The following SHISA9 variants were observed in gnomAD, a reference collection of about 807,000 sequenced individuals.
SHISA9 encodes shisa family member 9.
SHISA9 carries 13 observed loss-of-function variants against 38.0 expected under a neutral mutation model. The ratio of observed to expected loss-of-function variants is 0.34; its 90% CI spans 0.22 to 0.54. The LOEUF (loss-of-function observed/expected upper bound fraction) is 0.54, where lower values mean the gene tolerates loss of function less well. Ranked by LOEUF, SHISA9 falls within the 20% of genes least tolerant of loss-of-function variation. The pLI is 0.91. For missense variants in SHISA9, 538 were observed against 575.8 expected (o/e 0.93, Z 0.67); for synonymous variants, 275 against 242.0 (o/e 1.14, Z -1.27).
the SHISA9 span, among the ~76,000 whole-genome samples, chr16:13,277,277 C>T: frequency 1.3e-5 from 2 of 151,970 alleles, no homozygotes; most frequent in African/African-American, 2.4e-5. Flanking sequence ...GGTCTATGTG[C>T]ATATTTCTAT....
At chr16:12,943,762 C>A (rs1319677500) in intron 2 of SHISA9, among the ~76,000 whole-genome samples, 1 of 152,054 alleles carries the variant, frequency 6.6e-6, no homozygotes, top group Non-Finnish European at 1.5e-5. Context: ...AAACACCCTG[C>A]CTCCATTTGT....
At chr16:12,966,801 A>G (rs1462642323) in intron 2 of SHISA9, among the ~76,000 whole-genome samples, 9 of 152,356 alleles carry the variant, frequency 5.9e-5, no homozygotes, top group Non-Finnish European at 1.2e-4. Context: ...GAAGATGTTC[A>G]GCATAGTTAT....
chr16:13,213,004 T>A (rs971223831), intron 3 of SHISA9, among the ~76,000 whole-genome samples: 1 of 152,234 alleles, frequency 6.6e-6, no homozygotes, highest in Non-Finnish European at 1.5e-5. Context: ...TCTCGGCCTT[T>A]TTCAGGAGGC....
chr16:13,321,967 A>G, the SHISA9 span, among the ~76,000 whole-genome samples: 7 of 152,250 alleles, frequency 4.6e-5, no homozygotes, highest in Non-Finnish European at 1.0e-4. Flanking sequence ...TACCTGACAT[A>G]TAATAGGTGC....
the SHISA9 span, among the ~76,000 whole-genome samples, chr16:13,245,848 A>G: frequency 6.6e-6 from 1 of 152,180 alleles, no homozygotes; most frequent in Non-Finnish European, 1.5e-5. Context: ...CACCCCTCCC[A>G]GAGGAGAAAG....
chr16:13,323,377 C>T, the SHISA9 span, among the ~76,000 whole-genome samples: 1 of 152,092 alleles, frequency 6.6e-6, no homozygotes, highest in Non-Finnish European at 1.5e-5. Context: ...TGACAGAATC[C>T]TCAGTCATTG....
Position 12,992,511 on chromosome 16 carries a change from G to T in SHISA9, c.691+75696G>T, listed in dbSNP as rs2072400757. Among the ~76,000 whole-genome samples, 10 of 152,078 alleles carry T rather than the reference G, an allele frequency of 6.6e-5. 1 individual carries two copies. In the South Asian group the frequency reaches 1.7e-3, roughly 25 times the overall value. On this transcript the variant is annotated intron_variant, in intron 2 of 4. Coordinates refer to ENST00000558583, the MANE Select transcript of SHISA9 (RefSeq NM_001145204.3). The stretch of plus-strand genomic sequence containing the variant: ...TGTGCCACTGGACTCCAGCCTGGGC[G>T]ACAGAGTAAGACTCTGTCTCAAAAC...
chr16:13,376,152 T>G, the SHISA9 span, among the ~76,000 whole-genome samples: 6,251 of 152,328 alleles, frequency 0.041, 276 homozygotes, highest in African/African-American at 0.11. Flanking sequence ...TGCTCATAAT[T>G]GTTCCACATC....
intron 2 of SHISA9, among the ~76,000 whole-genome samples, chr16:12,957,734 A>AT (rs1037773830): frequency 1.3e-4 from 20 of 152,052 alleles, no homozygotes; most frequent in Admixed American, 1.2e-3. Context: ...CAACAAGCGT[A>AT]TTTTTTTGTT....
chr16:13,037,853 G>T (rs1337129032), intron 2 of SHISA9, among the ~76,000 whole-genome samples: 2 of 151,986 alleles, frequency 1.3e-5, no homozygotes, highest in Non-Finnish European at 2.9e-5. Context: ...AAGCATCAAG[G>T]GTCACTTAAA....
chr16:13,373,628 A>G, the SHISA9 span, among the ~76,000 whole-genome samples: 6 of 152,188 alleles, frequency 3.9e-5, no homozygotes, highest in African/African-American at 1.4e-4. Flanking sequence ...CGGGCATGGT[A>G]GCGGGCGCCT....
At chr16:13,104,703 G>T (rs1304901794) in intron 2 of SHISA9, among the ~76,000 whole-genome samples, 1 of 152,058 alleles carries the variant, frequency 6.6e-6, no homozygotes, top group African/African-American at 2.4e-5. Flanking sequence ...GGGGATGGAG[G>T]TGAAGATTAA....
the SHISA9 span, among the ~76,000 whole-genome samples, chr16:13,490,211 G>C: frequency 6.6e-6 from 1 of 152,144 alleles, no homozygotes; most frequent in Non-Finnish European, 1.5e-5. Context: ...AGTTACGAGG[G>C]CATGGAAGAG....
chr16:12,902,460 C>T lies in SHISA9; in HGVS notation c.396C>T (p.Gly132=), dbSNP rs1370684200. 1 of 1,551,438 alleles carries T rather than the reference C, an allele frequency of 6.4e-7. No homozygotes were observed. The highest frequency in any genetic ancestry group is 2.0e-5 in the Admixed American group (1 of 51,012). ...NYDTPLWLNT[G]KPPARKDDPL... ...ACACGCCGCTCTGGCTCAACACCGGCAAGCCCCCCGCCCGCAAGGACGACC... is the reference window on the plus strand; with the variant it reads ...ACACGCCGCTCTGGCTCAACACCGGTAAGCCCCCCGCCCGCAAGGACGACC... Residue 132 remains glycine, a synonymous_variant, in exon 1 of 5, where the codon GGC becomes GGT. Transcript: ENST00000558583.
intron 2 of SHISA9, among the ~76,000 whole-genome samples, chr16:13,118,980 C>T (rs1409836981): frequency 6.6e-6 from 1 of 152,102 alleles, no homozygotes; most frequent in Non-Finnish European, 1.5e-5. Flanking sequence ...GATCCACTCA[C>T]CTCGGCCTCC....
the SHISA9 span, among the ~76,000 whole-genome samples, chr16:13,262,778 A>G: frequency 6.6e-6 from 1 of 152,056 alleles, no homozygotes; most frequent in South Asian, 2.1e-4. Flanking sequence ...GTGTAATGGA[A>G]CACTCCAGCA....
At chr16:13,493,662 A>C in the SHISA9 span, among the ~76,000 whole-genome samples, 1 of 151,846 alleles carries the variant, frequency 6.6e-6, no homozygotes, top group Admixed American at 6.6e-5. Context: ...CAGAAAGAGA[A>C]AACAGTGGAT....
chr16:12,946,107 C>G (rs1384234765), intron 2 of SHISA9, among the ~76,000 whole-genome samples: 4 of 152,150 alleles, frequency 2.6e-5, no homozygotes, highest in Non-Finnish European at 4.4e-5. Context: ...CATCCTTTCC[C>G]CATTGATTGT....
chr16:13,525,861 G>T, the SHISA9 span, among the ~76,000 whole-genome samples: 114 of 152,334 alleles, frequency 7.5e-4, no homozygotes, highest in African/African-American at 2.6e-3. Context: ...GCAAAGTGTT[G>T]TACAAATTCA....
Sources: gnomAD v4.1 joint callset for allele counts (sites outside exome capture counted in the v4.1 genomes callset) on GRCh38, gnomAD v4.1.1 for gene constraint, MANE v1.5 for transcripts, NCBI Gene and HGNC (gene_info 2026-07-23, HGNC 2026-07-21) for gene names.